The following SFMBT2 variants were observed in gnomAD, a reference collection of about 807,000 sequenced individuals.
SFMBT2 encodes scm-like with four MBT domains protein 2.
SFMBT2 carries 38 observed loss-of-function variants against 110.1 expected under a neutral mutation model. The observed-to-expected ratio is 0.35, with a 90% CI of 0.27 to 0.45. The LOEUF is 0.45. SFMBT2 is among the 20% of genes least tolerant of loss of function. The probability of loss-of-function intolerance (pLI) is 1.00; values close to 1 mark genes in which losing one functional copy is unlikely to be tolerated. For missense variants in SFMBT2, 1,011 were observed against 1,094.9 expected, an observed-to-expected ratio of 0.92 and a Z score of 1.08; for synonymous variants, 425 against 425.4, an observed-to-expected ratio of 1.00 and a Z score of 0.01.
intron 4 of SFMBT2, among the ~76,000 whole-genome samples, chr10:7,317,211 A>G (rs1349434119): frequency 6.6e-6 from 1 of 152,120 alleles, no homozygotes; most frequent in Non-Finnish European, 1.5e-5. Context: ...GGCAGGACCC[A>G]TGTGGGCAGC....
intron 2 of SFMBT2, among the ~76,000 whole-genome samples, chr10:7,374,733 G>T (rs1845153511): frequency 1.3e-5 from 2 of 152,084 alleles, no homozygotes; most frequent in African/African-American, 2.4e-5. Flanking sequence ...CCTAGAATGG[G>T]ATTTAAAAAA....
chr10:7,396,587 A>ATTTAT (rs1249718151), intron 1 of SFMBT2, among the ~76,000 whole-genome samples: 1 of 152,140 alleles, frequency 6.6e-6, no homozygotes, highest in East Asian at 1.9e-4. Context: ...TCCAGTTATA[A>ATTTAT]GAGTTCATAA....
rs1257472184 is a variant in SFMBT2 at position 7,408,983 on chromosome 10, C to G, written c.-52+1878G>C. 6.6e-6 allele frequency among the ~76,000 whole-genome samples: 1 copy of G among 152,104 alleles called. No homozygotes were observed. The highest frequency in any genetic ancestry group is 1.5e-5 in the Non-Finnish European group (1 of 68,004). On this transcript the variant is annotated intron_variant, in intron 1 of 20. Coordinates refer to ENST00000397167, the MANE Select transcript of SFMBT2 (RefSeq NM_001387889.1). This position sits in a 1 kb window ranked among gnomAD's most constrained non-coding sequence, Gnocchi z 5.7. The stretch of plus-strand genomic sequence containing the variant: ...TTCTTCCCCAAACGCTGTCCCCATC[C>G]CCCACCTTCCCTAGAGCGCGAAACC...
At chr10:7,335,788 G>A (rs1843703292) in intron 4 of SFMBT2, among the ~76,000 whole-genome samples, 1 of 152,276 alleles carries the variant, frequency 6.6e-6, no homozygotes, top group East Asian at 1.9e-4. Context: ...TCTGTGGACT[G>A]TAACGTAACA....
chr10:7,258,008 TG>T (rs1841084657), intron 7 of SFMBT2, among the ~76,000 whole-genome samples: 1 of 152,218 alleles, frequency 6.6e-6, no homozygotes, highest in South Asian at 2.1e-4. Context: ...CAAGGCTTGC[TG>T]CAACCTCCGC....
At chr10:7,320,022 CAGAA>C (rs981943497) in intron 4 of SFMBT2, among the ~76,000 whole-genome samples, 3 of 145,250 alleles carry the variant, frequency 2.1e-5, no homozygotes, top group South Asian at 2.2e-4. Flanking sequence ...AGGAGAGAGA[CAGAA>C]AGAGAAAGAG....
At chr10:7,283,853 A>T in intron 6 of SFMBT2, 51 bp downstream of exon 6, 1 of 1,236,534 alleles carries the variant, frequency 8.1e-7, no homozygotes. Flanking sequence ...CCAGGAAAAT[A>T]TCACATCTTT....
intron 1 of SFMBT2, among the ~76,000 whole-genome samples, chr10:7,398,387 T>C (rs939050773): frequency 6.6e-6 from 1 of 152,244 alleles, no homozygotes; most frequent in Non-Finnish European, 1.5e-5. Flanking sequence ...GTGCACCATC[T>C]TGAAAGTCGG....
At chr10:7,223,628 T>C (rs2131660938) in intron 10 of SFMBT2, among the ~76,000 whole-genome samples, 1 of 152,348 alleles carries the variant, frequency 6.6e-6, no homozygotes, top group East Asian at 1.9e-4. Flanking sequence ...AATAAATTTG[T>C]TGATTTCAAA....
At chr10:7,274,677 C>A (rs1841710444) in intron 7 of SFMBT2, among the ~76,000 whole-genome samples, 1 of 152,126 alleles carries the variant, frequency 6.6e-6, no homozygotes, top group South Asian at 2.1e-4. Context: ...GGTATGTCTT[C>A]CCTAACAGCA....
chr10:7,363,269 C>T (rs1398957053), intron 4 of SFMBT2, among the ~76,000 whole-genome samples: 3 of 152,164 alleles, frequency 2.0e-5, no homozygotes, highest in African/African-American at 4.8e-5. Context: ...TAAGACGTGC[C>T]TTTGCTCCTC....
intron 11 of SFMBT2, chr10:7,215,437 G>A: frequency 1.8e-6 from 1 of 545,324 alleles, no homozygotes; most frequent in Middle Eastern, 9.3e-4. Context: ...TCTTCCAAAT[G>A]TTTCCTATGG....
rs1837487369 is a variant in SFMBT2 at position 7,159,187 on chromosome 10, A to G, written c.*4583T>C. 6.6e-6 allele frequency: 1 copy of G among 152,218 alleles called. No homozygotes were observed. Among genetic ancestry groups the G allele is most frequent in the Non-Finnish European group, 1.5e-5 (1 of 68,036 alleles). The allele number at this position is 152,218 out of a possible 1,614,324, so 9.4% of individuals were successfully genotyped here. A position where few individuals can be genotyped will look rare whatever the true frequency, so the allele number is the denominator to read the frequency against. ...GGCCAAATCCCATTACTTAGTGCCA[A>G]CAATTCAGAAGGATTATGGCCTCTT... On this transcript the variant is annotated 3_prime_UTR_variant, in exon 21 of 21. Transcript: ENST00000397167.
chr10:7,228,763 T>C (rs1375259077), intron 9 of SFMBT2, among the ~76,000 whole-genome samples: 1 of 132,708 alleles, frequency 7.5e-6, no homozygotes, highest in African/African-American at 2.6e-5. Context: ...TCTCTCTCTC[T>C]CTCTCTCTCT....
chr10:7,384,037 C>A (rs1845506334), intron 1 of SFMBT2, among the ~76,000 whole-genome samples: 1 of 151,546 alleles, frequency 6.6e-6, no homozygotes, highest in Non-Finnish European at 1.5e-5. Context: ...ACGGTGAAAG[C>A]CCATCTCTAC....
chr10:7,171,140 T>C lies in SFMBT2; in HGVS notation c.2416-84A>G. ...CCAGCACTCTCCAGGCCTCGGCCGT[T>C]CCTGGCCGGAAGCCACTGCCTCCCT... is the stretch of plus-strand genomic sequence containing the variant. On this transcript the variant is annotated intron_variant, in intron 19 of 20. Transcript: ENST00000397167. This position sits in a 1 kb window ranked among gnomAD's most constrained non-coding sequence, Gnocchi z 4.9. 1 of 1,595,720 alleles carries C rather than the reference T, an allele frequency of 6.3e-7. No homozygotes were observed. Among genetic ancestry groups the C allele is most frequent in the South Asian group, 1.1e-5 (1 of 90,586 alleles).
At chr10:7,284,586 T>C (rs1052779694) in intron 5 of SFMBT2, 5 of 299,332 alleles carry the variant, frequency 1.7e-5, no homozygotes, top group Non-Finnish European at 2.5e-5. Flanking sequence ...CATGACGGTT[T>C]CCCAGACATT....
chr10:7,256,115 T>A (rs959845134), intron 7 of SFMBT2, among the ~76,000 whole-genome samples: 1 of 152,096 alleles, frequency 6.6e-6, no homozygotes, highest in Non-Finnish European at 1.5e-5. Flanking sequence ...ATCCCTCTTG[T>A]GGGAGGAAAT....
chr10:7,340,234 T>A (rs940982817), intron 4 of SFMBT2, among the ~76,000 whole-genome samples: 5 of 152,120 alleles, frequency 3.3e-5, no homozygotes, highest in Non-Finnish European at 7.4e-5. Flanking sequence ...TTAGCATTCA[T>A]TCAGTGGAAG....
Sources: gnomAD v4.1 joint callset for allele counts (sites outside exome capture counted in the v4.1 genomes callset) on GRCh38, gnomAD v4.1.1 for gene constraint, Gnocchi (gnomAD v3.1) non-coding constraint, MANE v1.5 for transcripts, NCBI Gene and HGNC (gene_info 2026-07-23, HGNC 2026-07-21) for gene names.